The following PTGER4 variants were observed in gnomAD, a reference collection of about 807,000 sequenced individuals.
PTGER4 encodes prostaglandin E receptor 4, also known as prostaglandin E2 receptor EP4 subtype.
PTGER4 carries 11 observed loss-of-function variants against 33.2 expected under a neutral mutation model. The observed-to-expected ratio is 0.33, with a 90% CI of 0.21 to 0.55. The LOEUF (loss-of-function observed/expected upper bound fraction) is 0.55. PTGER4 is among the 20% of genes least tolerant of loss of function. The pLI, the probability that PTGER4 is intolerant of heterozygous loss-of-function variation, is 0.92. For missense variants in PTGER4, 481 were observed against 650.2 expected (o/e 0.74, Z 2.83); for synonymous variants, 275 against 281.5 (o/e 0.98, Z 0.23).
downstream of PTGER4, chr5:40,696,539 C>A: frequency 2.5e-6 from 1 of 396,250 alleles, no homozygotes; most frequent in Non-Finnish European, 3.4e-6. Context: ...GTGCTTTAGC[C>A]CCAAACTGGA....
chr5:40,714,157 A>G, the PTGER4 span, among the ~76,000 whole-genome samples: 1 of 152,218 alleles, frequency 6.6e-6, no homozygotes, highest in Non-Finnish European at 1.5e-5. Flanking sequence ...GACTTGAGCT[A>G]TAGACCCTGT....
the PTGER4 span, among the ~76,000 whole-genome samples, chr5:40,708,897 T>C: frequency 6.6e-6 from 1 of 152,186 alleles, no homozygotes. Flanking sequence ...TCAATAAACG[T>C]AATCCAGCAT....
At chr5:40,711,167 C>A in the PTGER4 span, among the ~76,000 whole-genome samples, 2 of 151,968 alleles carry the variant, frequency 1.3e-5, no homozygotes, top group East Asian at 3.9e-4. Flanking sequence ...TGAAGGACTT[C>A]TATCCAGTAG....
At chr5:40,739,754 C>T in the PTGER4 span, among the ~76,000 whole-genome samples, 1 of 152,110 alleles carries the variant, frequency 6.6e-6, no homozygotes, top group South Asian at 2.1e-4. Context: ...ATTATCCAGT[C>T]TCAGGTAGTT....
At chr5:40,744,067 T>G in the PTGER4 span, among the ~76,000 whole-genome samples, 4 of 152,258 alleles carry the variant, frequency 2.6e-5, no homozygotes, top group East Asian at 7.7e-4. Context: ...GGTTAAAAGT[T>G]AATGAACTTT....
chr5:40,713,410 A>G, the PTGER4 span, among the ~76,000 whole-genome samples: 1 of 152,176 alleles, frequency 6.6e-6, no homozygotes, highest in Non-Finnish European at 1.5e-5. Context: ...AGAGCTTTTA[A>G]AAAATCTTTA....
the PTGER4 span, among the ~76,000 whole-genome samples, chr5:40,743,481 A>C: frequency 6.6e-5 from 10 of 152,102 alleles, no homozygotes; most frequent in Non-Finnish European, 1.5e-5. Context: ...TAGCCTCTTA[A>C]ATATTTTTTT....
At chr5:40,684,896 A>G (rs1043421810) in intron 2 of PTGER4, among the ~76,000 whole-genome samples, 2 of 152,202 alleles carry the variant, frequency 1.3e-5, no homozygotes, top group African/African-American at 4.8e-5. Context: ...GTGAGAGTCT[A>G]CATTTAAGAT....
At chr5:40,739,537 T>C in the PTGER4 span, among the ~76,000 whole-genome samples, 14 of 152,180 alleles carry the variant, frequency 9.2e-5, no homozygotes, top group Non-Finnish European at 1.9e-4. Flanking sequence ...TCTTGCAAGA[T>C]CTGGTTGCAT....
At chr5:40,742,676 T>C in the PTGER4 span, among the ~76,000 whole-genome samples, 1 of 152,106 alleles carries the variant, frequency 6.6e-6, no homozygotes, top group Admixed American at 6.5e-5. Flanking sequence ...CTGCCATCCT[T>C]GTGAGATTAA....
At chr5:40,722,765 C>T in the PTGER4 span, among the ~76,000 whole-genome samples, 1 of 151,268 alleles carries the variant, frequency 6.6e-6, no homozygotes. Flanking sequence ...GACGCCCCGT[C>T]CCGGAGGTGG....
At position 40,692,820 on chromosome 5, in the gene PTGER4, G is replaced by A. The variant is rs1741508266; in HGVS notation, c.*442G>A. ...AAAGCATGAAATGTGAATTTTTATT[G>A]TTGTACATACGATTTAAGGTATTTA... On this transcript the variant is annotated 3_prime_UTR_variant, in exon 3 of 3. Coordinates refer to ENST00000302472, the MANE Select transcript of PTGER4 (RefSeq NM_000958.3). 1.7e-5 allele frequency: 17 copies of A among 987,796 alleles called. No individual in the cohort carries two copies. The South Asian group carries it at 7.0e-4, about 41-fold the overall frequency. 61.2% of individuals were successfully genotyped at this position (987,796 alleles called of 1,614,324 possible). A position where few individuals can be genotyped will look rare whatever the true frequency, so the allele number is the denominator to read the frequency against.
At chr5:40,738,435 T>C in the PTGER4 span, among the ~76,000 whole-genome samples, 42 of 83,814 alleles carry the variant, frequency 5.0e-4, no homozygotes, top group East Asian at 0.016. Flanking sequence ...TAAAATAAAA[T>C]ATAAAATAAA....
chr5:40,717,706 G>A, the PTGER4 span, among the ~76,000 whole-genome samples: 1 of 152,294 alleles, frequency 6.6e-6, no homozygotes, highest in African/African-American at 2.4e-5. Flanking sequence ...ATTATATGTT[G>A]TTTTCTCTGA....
the PTGER4 span, among the ~76,000 whole-genome samples, chr5:40,736,660 A>G: frequency 6.6e-6 from 1 of 152,360 alleles, no homozygotes; most frequent in South Asian, 2.1e-4. Context: ...CTAAAATATT[A>G]TATCTAAAGT....
At chr5:40,734,261 A>G in the PTGER4 span, among the ~76,000 whole-genome samples, 1 of 152,224 alleles carries the variant, frequency 6.6e-6, no homozygotes, top group Non-Finnish European at 1.5e-5. Context: ...GGCACTGAAC[A>G]AATCAATAGT....
chr5:40,731,106 A>T, the PTGER4 span, among the ~76,000 whole-genome samples: 1 of 152,174 alleles, frequency 6.6e-6, no homozygotes. Context: ...TGACAGGAAA[A>T]ACTTTGGAAA....
In PTGER4 at chr5:40,692,828, T is replaced by A; in HGVS notation, c.*450T>A. 2 of 987,140 alleles carry A rather than the reference T, an allele frequency of 2.0e-6. No homozygotes were observed. Among genetic ancestry groups the A allele is most frequent in the Non-Finnish European group, 2.4e-6 (2 of 830,446 alleles). 61.1% of individuals were successfully genotyped at this position (987,140 alleles called of 1,614,324 possible). On this transcript the variant is annotated 3_prime_UTR_variant, in exon 3 of 3. Transcript: ENST00000302472. ...AAATGTGAATTTTTATTGTTGTACA[T>A]ACGATTTAAGGTATTTAAAGTATTT...
the PTGER4 span, among the ~76,000 whole-genome samples, chr5:40,717,088 G>C: frequency 2.0e-5 from 3 of 152,036 alleles, no homozygotes; most frequent in Admixed American, 2.0e-4. Context: ...AATTAGCCAG[G>C]CATGATGGCG....
Sources: gnomAD v4.1 joint callset for allele counts (sites outside exome capture counted in the v4.1 genomes callset) on GRCh38, gnomAD v4.1.1 for gene constraint, MANE v1.5 for transcripts, NCBI Gene and HGNC (gene_info 2026-07-23, HGNC 2026-07-21) for gene names.